The following APLF variants were observed in gnomAD, a reference collection of about 807,000 sequenced individuals.
The protein encoded by APLF is aprataxin and PNKP like factor, also known as aprataxin and PNK-like factor.
APLF carries 61 observed loss-of-function variants against 55.6 expected under a neutral mutation model. The observed-to-expected ratio is 1.10, with a 90% CI of 0.89 to 1.36. The LOEUF is 1.36. Ranked by LOEUF, APLF falls within the 40% of genes most tolerant of loss-of-function variation. The pLI is 0.00. For missense variants in APLF, 611 were observed against 602.5 expected (o/e 1.01, Z -0.15); for synonymous variants, 207 against 214.8 (o/e 0.96, Z 0.32).
At chr2:68,577,732 G>T (rs1442931772) in intron 9 of APLF, 88 bp from the exon 10 acceptor site, 11 of 1,486,344 alleles carry the variant, frequency 7.4e-6, no homozygotes, top group Non-Finnish European at 1.0e-5. Flanking sequence ...TAATCCTCTG[G>T]ATGCAGAAAG....
chr2:68,489,351 G>A (rs1341614551), intron 1 of APLF, among the ~76,000 whole-genome samples: 1 of 152,214 alleles, frequency 6.6e-6, no homozygotes, highest in African/African-American at 2.4e-5. Flanking sequence ...ACCAAGAGAT[G>A]GGTCAGGTAG....
chr2:68,519,403 T>C (rs1402442582), intron 5 of APLF, among the ~76,000 whole-genome samples: 2 of 149,162 alleles, frequency 1.3e-5, no homozygotes, highest in Admixed American at 1.4e-4. Context: ...TGAAATGAAA[T>C]ACATGTTGAA....
At chr2:68,564,310 A>G (rs890518634) in intron 8 of APLF, among the ~76,000 whole-genome samples, 2 of 152,122 alleles carry the variant, frequency 1.3e-5, no homozygotes, top group African/African-American at 4.8e-5. Context: ...AATTTGGGTT[A>G]GTTATGCTAA....
At chr2:68,507,531 G>C (rs1368488762) in intron 3 of APLF, among the ~76,000 whole-genome samples, 2 of 151,826 alleles carry the variant, frequency 1.3e-5, no homozygotes, top group African/African-American at 4.8e-5. Flanking sequence ...TATTCTGCCA[G>C]GAGTACCAAA....
intron 9 of APLF, among the ~76,000 whole-genome samples, chr2:68,573,064 A>G (rs764236143): frequency 1.3e-5 from 2 of 152,218 alleles, no homozygotes; most frequent in Admixed American, 6.5e-5. Context: ...ATATAAAAAA[A>G]TCAGAAATTA....
At chr2:68,519,005 TTAATATATAA>T (rs888193858) in intron 5 of APLF, among the ~76,000 whole-genome samples, 3 of 124,000 alleles carry the variant, frequency 2.4e-5, no homozygotes, top group East Asian at 2.1e-4. Flanking sequence ...TAATATATTA[TTAATATATAA>T]TAATATATAA....
chr2:68,518,569 T>TATA (rs1434843805), intron 5 of APLF, among the ~76,000 whole-genome samples: 7 of 106,284 alleles, frequency 6.6e-5, no homozygotes, highest in Admixed American at 1.1e-4. Flanking sequence ...ATCATGAATA[T>TATA]ATAATATATC....
intron 8 of APLF, among the ~76,000 whole-genome samples, chr2:68,558,230 T>C (rs1427350433): frequency 1.3e-5 from 2 of 152,168 alleles, no homozygotes; most frequent in African/African-American, 4.8e-5. Context: ...TTCATAATAA[T>C]AAATTTGTTC....
At chr2:68,494,277 C>CAAAAAAAAAAAAAAA (rs59466460) in intron 2 of APLF, among the ~76,000 whole-genome samples, 9 of 49,536 alleles carry the variant, frequency 1.8e-4, no homozygotes, top group Admixed American at 2.7e-4. Context: ...GACCCCGTCT[C>CAAAAAAAAAAAAAAA]AAAAAAAAAA....
intron 8 of APLF, among the ~76,000 whole-genome samples, chr2:68,551,754 C>CTT (rs369676795): frequency 0.095 from 13,394 of 141,244 alleles, 733 homozygotes; most frequent in African/African-American, 0.14. Context: ...GGTTCTGCTT[C>CTT]TTTTTTTTTT....
At chr2:68,474,498 A>G (rs1675713928) in intron 1 of APLF, among the ~76,000 whole-genome samples, 1 of 152,236 alleles carries the variant, frequency 6.6e-6, no homozygotes, top group Admixed American at 6.5e-5. Flanking sequence ...TATGCCAGGC[A>G]ACAGGGACAA....
chr2:68,580,128 T>A lies in APLF; in HGVS notation c.*2106T>A, dbSNP rs967266688. The A allele has an allele frequency of 1.1e-6, 1 of 939,232 alleles. No individual in the cohort carries two copies. Among genetic ancestry groups the A allele is most frequent in the African/African-American group, 1.8e-5 (1 of 56,330 alleles). The allele number at this position is 939,232 out of a possible 1,614,324, so 58.2% of individuals were successfully genotyped here. On this transcript the variant is annotated 3_prime_UTR_variant, in exon 10 of 10. Coordinates refer to ENST00000303795, the MANE Select transcript of APLF (RefSeq NM_173545.3). ...ATCATCCTGAAGACACTTTTGAGTA[T>A]AACTATTGTATAAATAAATGTATAG...
At chr2:68,575,682 G>A (rs1671601120) in intron 9 of APLF, among the ~76,000 whole-genome samples, 1 of 151,936 alleles carries the variant, frequency 6.6e-6, no homozygotes, top group South Asian at 2.1e-4. Flanking sequence ...ATTAAAGGAT[G>A]ACTACAAGAT....
rs1043809487 is a variant in APLF at position 68,578,254 on chromosome 2, A to C, written c.*232A>C. The C allele has an allele frequency of 6.3e-6, 8 of 1,264,736 alleles. No individual in the cohort carries two copies. Among genetic ancestry groups the C allele is most frequent in the Non-Finnish European group, 7.0e-6 (7 of 1,001,140 alleles). The allele number at this position is 1,264,736 out of a possible 1,614,324, so 78.3% of individuals were successfully genotyped here. A position where few individuals can be genotyped will look rare whatever the true frequency, so the allele number is the denominator to read the frequency against. The stretch of plus-strand genomic sequence containing the variant: ...CTACTTAAAGCATCTGGAAATAGGA[A>C]GACAGAGAAGGTAGAGTAAAAATGG... On this transcript the variant is annotated 3_prime_UTR_variant, in exon 10 of 10. Transcript: ENST00000303795.
intron 1 of APLF, among the ~76,000 whole-genome samples, chr2:68,475,782 A>C (rs916916126): frequency 6.6e-6 from 1 of 152,158 alleles, no homozygotes; most frequent in Non-Finnish European, 1.5e-5. Flanking sequence ...GAGCTCTGGA[A>C]TGCATGCTGG....
At chr2:68,558,511 C>A (rs1314981966) in intron 8 of APLF, among the ~76,000 whole-genome samples, 2 of 152,106 alleles carry the variant, frequency 1.3e-5, no homozygotes, top group Non-Finnish European at 2.9e-5. Context: ...GCAAGATAAA[C>A]CATTTTGTTT....
chr2:68,554,634 C>G (rs1670954569), intron 8 of APLF, among the ~76,000 whole-genome samples: 1 of 149,416 alleles, frequency 6.7e-6, no homozygotes, highest in African/African-American at 2.5e-5. Context: ...AGGTATATTC[C>G]TAAGTTTTTT....
intron 7 of APLF, among the ~76,000 whole-genome samples, chr2:68,544,523 GTTA>G (rs1670645940): frequency 6.6e-6 from 1 of 152,074 alleles, no homozygotes; most frequent in African/African-American, 2.4e-5. Context: ...GTTAAGACAT[GTTA>G]TTATGATAAT....
chr2:68,506,429 G>A (rs1301937784), intron 3 of APLF, among the ~76,000 whole-genome samples: 1 of 151,782 alleles, frequency 6.6e-6, no homozygotes, highest in Non-Finnish European at 1.5e-5. Flanking sequence ...ACTTCTAGAC[G>A]TTTCTTGATA....
Sources: allele counts gnomAD v4.1 joint callset (sites outside exome capture counted in the v4.1 genomes callset), GRCh38; gene constraint gnomAD v4.1.1; transcripts MANE v1.5; gene names NCBI Gene and HGNC (gene_info 2026-07-23, HGNC 2026-07-21).